PCDH15: variants seen among roughly 807,000 people sequenced by gnomAD.
The protein encoded by PCDH15 is protocadherin-15.
PCDH15 carries 129 observed loss-of-function variants against 178.5 expected under a neutral mutation model. The observed-to-expected ratio is 0.72, with a 90% confidence interval of 0.63 to 0.84. The LOEUF (loss-of-function observed/expected upper bound fraction) is 0.84. PCDH15 is among the 40% of genes least tolerant of loss of function. The probability of loss-of-function intolerance (pLI) is 0.00; values close to 1 mark genes in which losing one functional copy is unlikely to be tolerated. For synonymous variants in PCDH15, 800 were observed against 732.0 expected (o/e 1.09, Z -1.50); for missense variants, 2,230 against 2,099.9 (o/e 1.06, Z -1.21).
chr10:55,345,068 ATATCTC>A (rs1844711271), intron 2 of PCDH15, among the ~76,000 whole-genome samples: 1 of 151,870 alleles, frequency 6.6e-6, no homozygotes. Flanking sequence ...GTCTCTTACT[ATATCTC>A]TATATCTCTC....
At chr10:54,472,081 T>C (rs2077956968) in intron 3 of PCDH15, among the ~76,000 whole-genome samples, 2 of 152,120 alleles carry the variant, frequency 1.3e-5, no homozygotes, top group South Asian at 2.1e-4. Context: ...TAGTAGGCTA[T>C]GAATAAGGTC....
At chr10:55,277,378 G>A (rs1296205330) in intron 1 of PCDH15, among the ~76,000 whole-genome samples, 1 of 152,010 alleles carries the variant, frequency 6.6e-6, no homozygotes, top group Non-Finnish European at 1.5e-5. Context: ...TGTTGAAAAA[G>A]AGGAATGGTT....
At chr10:55,059,112 G>A (rs1841371876) in intron 2 of PCDH15, among the ~76,000 whole-genome samples, 2 of 152,138 alleles carry the variant, frequency 1.3e-5, no homozygotes, top group African/African-American at 4.8e-5. Flanking sequence ...CAGGAATAAA[G>A]TCAATACCGG....
chr10:54,163,448 A>C (rs926386275), intron 13 of PCDH15, among the ~76,000 whole-genome samples: 5 of 152,012 alleles, frequency 3.3e-5, no homozygotes, highest in African/African-American at 1.2e-4. Context: ...ATATACTTTT[A>C]AACCATCAGC....
intron 2 of PCDH15, among the ~76,000 whole-genome samples, chr10:54,908,956 A>G (rs1268751396): frequency 6.6e-6 from 1 of 151,862 alleles, no homozygotes; most frequent in African/African-American, 2.4e-5. Flanking sequence ...TCATCCTGTC[A>G]TCTCTTCAGC....
intron 1 of PCDH15, among the ~76,000 whole-genome samples, chr10:54,755,459 G>C (rs1337942324): frequency 3.9e-5 from 6 of 152,058 alleles, no homozygotes; most frequent in Non-Finnish European, 8.8e-5. Flanking sequence ...AAATGCTTAA[G>C]GGTGCAGCTC....
intron 3 of PCDH15, among the ~76,000 whole-genome samples, chr10:54,491,600 A>G (rs2079600780): frequency 6.6e-6 from 1 of 152,168 alleles, no homozygotes; most frequent in African/African-American, 2.4e-5. Flanking sequence ...AAATAAAGAA[A>G]GCAGTGGGGA....
intron 15 of PCDH15, among the ~76,000 whole-genome samples, chr10:54,115,123 G>A (rs1399249199): frequency 1.3e-5 from 2 of 152,068 alleles, no homozygotes; most frequent in African/African-American, 4.8e-5. Flanking sequence ...GAAAGCAGTG[G>A]GAATGGTGAG....
At chr10:55,198,882 C>T (rs1021457899) in intron 1 of PCDH15, among the ~76,000 whole-genome samples, 3 of 152,032 alleles carry the variant, frequency 2.0e-5, no homozygotes, top group East Asian at 1.9e-4. Context: ...CCTTTGCCTT[C>T]GCCATGACTA....
At chr10:54,446,720 T>C (rs745685748) in intron 3 of PCDH15, among the ~76,000 whole-genome samples, 1 of 151,478 alleles carries the variant, frequency 6.6e-6, no homozygotes, top group Non-Finnish European at 1.5e-5. Flanking sequence ...CCCTTGAGAT[T>C]TTAGTATCTC....
chr10:55,358,668 A>G (rs559260528), intron 2 of PCDH15, among the ~76,000 whole-genome samples: 31 of 152,174 alleles, frequency 2.0e-4, no homozygotes, highest in Non-Finnish European at 7.4e-5. Flanking sequence ...CCCATTTTGC[A>G]GTAGATGGAA....
At chr10:55,394,420 G>A (rs978323370) in intron 2 of PCDH15, among the ~76,000 whole-genome samples, 1 of 151,756 alleles carries the variant, frequency 6.6e-6, no homozygotes, top group Non-Finnish European at 1.5e-5. Flanking sequence ...TTCTAAGTGA[G>A]AAGGCTTTAA....
At chr10:54,463,327 A>G (rs1461124060) in intron 3 of PCDH15, among the ~76,000 whole-genome samples, 1 of 152,210 alleles carries the variant, frequency 6.6e-6, no homozygotes. Flanking sequence ...CAACAATTCA[A>G]AATAATTATG....
chr10:55,600,584 T>C (rs930175173), intron 2 of PCDH15, among the ~76,000 whole-genome samples: 6 of 152,078 alleles, frequency 3.9e-5, no homozygotes, highest in African/African-American at 1.4e-4. Context: ...TCCTAAATGG[T>C]GTAGCCGCTA....
At chr10:55,429,140 G>A (rs1479116562) in intron 2 of PCDH15, among the ~76,000 whole-genome samples, 1 of 151,974 alleles carries the variant, frequency 6.6e-6, no homozygotes, top group East Asian at 1.9e-4. Context: ...TGAAAAATCT[G>A]ACATATTTAC....
chr10:55,571,819 G>A (rs919338690), intron 2 of PCDH15, among the ~76,000 whole-genome samples: 1 of 152,052 alleles, frequency 6.6e-6, no homozygotes, highest in Non-Finnish European at 1.5e-5. Context: ...ATACAAGCCT[G>A]AGATTAAGTA....
intron 2 of PCDH15, among the ~76,000 whole-genome samples, chr10:54,597,696 G>A (rs1443557471): frequency 1.3e-5 from 2 of 152,064 alleles, no homozygotes; most frequent in South Asian, 2.1e-4. Flanking sequence ...GAAGCCAGGA[G>A]TTGACTTTTT....
chr10:55,088,975 G>A (rs1324472964), intron 2 of PCDH15, among the ~76,000 whole-genome samples: 1 of 151,912 alleles, frequency 6.6e-6, no homozygotes, highest in African/African-American at 2.4e-5. Context: ...TACTGTTTGG[G>A]AGAAATATAT....
At chr10:54,185,459 T>C (rs181071776) in intron 11 of PCDH15, among the ~76,000 whole-genome samples, 191 bp from the exon 12 acceptor site, 1 of 152,130 alleles carries the variant, frequency 6.6e-6, no homozygotes, top group East Asian at 1.9e-4. Flanking sequence ...GTGACCTATA[T>C]CGTGGAATAC....
Sources: allele counts gnomAD v4.1 joint callset (sites outside exome capture counted in the v4.1 genomes callset), GRCh38; gene constraint gnomAD v4.1.1; transcripts MANE v1.5; gene names NCBI Gene and HGNC (gene_info 2026-07-23, HGNC 2026-07-21).